The following BCR variants were observed in gnomAD, a reference collection of about 807,000 sequenced individuals.
BCR encodes the protein BCR activator of RhoGEF and GTPase.
A neutral mutation model predicts 138.6 loss-of-function variants in BCR; 58 were observed. That is an observed-to-expected ratio of 0.42 (90% CI 0.34 to 0.52). The LOEUF (loss-of-function observed/expected upper bound fraction) is 0.52, where lower values mean the gene tolerates loss of function less well. Ranked by LOEUF, BCR falls within the 20% of genes least tolerant of loss-of-function variation. BCR has a pLI of 0.06. For missense variants in BCR, 1,599 were observed against 1,727.2 expected, an observed-to-expected ratio of 0.93 and a Z score of 1.32; for synonymous variants, 786 against 730.1, an observed-to-expected ratio of 1.08 and a Z score of -1.23.
At chr22:23,192,235 G>A (rs557137922) in intron 1 of BCR, among the ~76,000 whole-genome samples, 2 of 151,696 alleles carry the variant, frequency 1.3e-5, no homozygotes, top group Admixed American at 1.3e-4. Flanking sequence ...GTCTGAGGGG[G>A]TATGAGACAC....
chr22:23,223,702 A>T (rs1056021104), intron 1 of BCR, among the ~76,000 whole-genome samples: 2 of 152,142 alleles, frequency 1.3e-5, no homozygotes, highest in Non-Finnish European at 2.9e-5. Flanking sequence ...GCAAGGGTCC[A>T]GGTGAGTCTC....
At chr22:23,214,498 CTG>C (rs2072726271) in intron 1 of BCR, among the ~76,000 whole-genome samples, 1 of 152,252 alleles carries the variant, frequency 6.6e-6, no homozygotes, top group Non-Finnish European at 1.5e-5. Context: ...CCTTCCACCT[CTG>C]TGGCCTGTGC....
chr22:23,188,794 T>A (rs2072379401), intron 1 of BCR, among the ~76,000 whole-genome samples: 1 of 152,174 alleles, frequency 6.6e-6, no homozygotes, highest in African/African-American at 2.4e-5. Context: ...AAAAGTGTAG[T>A]TATTTTAATT....
chr22:23,299,575 G>A (rs1405047655), intron 16 of BCR, among the ~76,000 whole-genome samples: 3 of 152,074 alleles, frequency 2.0e-5, no homozygotes, highest in East Asian at 1.9e-4. Flanking sequence ...GAAAGTAAAC[G>A]TGGAGGACAG....
At chr22:23,244,935 A>G (rs1254128303) in intron 1 of BCR, among the ~76,000 whole-genome samples, 1 of 152,170 alleles carries the variant, frequency 6.6e-6, no homozygotes, top group East Asian at 1.9e-4. Flanking sequence ...AGCCTTAGGC[A>G]CAGGTGGGTC....
chr22:23,303,051 C>T (rs1321876108), intron 16 of BCR, among the ~76,000 whole-genome samples: 3 of 150,988 alleles, frequency 2.0e-5, no homozygotes, highest in Admixed American at 2.0e-4. Context: ...ATTTAATTCA[C>T]CTGTGAGAGG....
At chr22:23,264,325 A>T in intron 4 of BCR, 2 of 988,610 alleles carry the variant, frequency 2.0e-6, no homozygotes, top group East Asian at 4.8e-5. Context: ...GCGCTGTCTT[A>T]CAACCTCCAC....
intron 8 of BCR, among the ~76,000 whole-genome samples, chr22:23,281,200 G>A (rs1276896294): frequency 2.6e-5 from 4 of 152,254 alleles, no homozygotes; most frequent in African/African-American, 9.6e-5. Flanking sequence ...GAGCCAAAGT[G>A]TGGTACCGTC....
rs1009312614 is a variant in BCR at position 23,180,791 on chromosome 22, C to A, written c.-170C>A. On this transcript the variant is annotated 5_prime_UTR_variant, in exon 1 of 23. Transcript: ENST00000305877. Reference sequence around the variant, plus strand: ...GCCCCGCCCCGCGCGCCGAGCGCCCCGCTCCGCCTCACCTGCCACCAGGGA... The same window carrying A: ...GCCCCGCCCCGCGCGCCGAGCGCCCAGCTCCGCCTCACCTGCCACCAGGGA... 4.6e-6 allele frequency: 1 copy of A among 218,790 alleles called. No homozygotes were observed. Among genetic ancestry groups the A allele is most frequent in the Admixed American group, 6.8e-5 (1 of 14,672 alleles). 13.6% of individuals were successfully genotyped at this position (218,790 alleles called of 1,614,324 possible).
chr22:23,273,481 T>C (rs2073533178), intron 7 of BCR, among the ~76,000 whole-genome samples, 153 bp from the exon 8 acceptor site: 1 of 152,160 alleles, frequency 6.6e-6, no homozygotes, highest in East Asian at 1.9e-4. Context: ...ACAAGCTCTG[T>C]CCACAAAGCT....
In BCR at chr22:23,268,639, T is replaced by C. The variant is rs2073473616; in HGVS notation, c.1860+124T>C. The C allele has an allele frequency of 8.9e-6, 8 of 895,890 alleles. No individual in the cohort carries two copies. In the South Asian group the frequency reaches 1.0e-4, roughly 11 times the overall value. The allele number at this position is 895,890 out of a possible 1,614,324, so 55.5% of individuals were successfully genotyped here. A position where few individuals can be genotyped will look rare whatever the true frequency, so the allele number is the denominator to read the frequency against. On this transcript the variant is annotated intron_variant, in intron 5 of 22. Coordinates refer to ENST00000305877, the MANE Select transcript of BCR (RefSeq NM_004327.4). ...GTGAACCCCAGCTGTTTCCAGATTC[T>C]GTTGGGTTCGTTGCGTCAGCCCTGT...
At chr22:23,279,226 C>CT (rs2073613858) in intron 8 of BCR, among the ~76,000 whole-genome samples, 1 of 152,250 alleles carries the variant, frequency 6.6e-6, no homozygotes, top group Non-Finnish European at 1.5e-5. Context: ...TACCCTCCTC[C>CT]TGGCATAGTG....
chr22:23,310,295 G>A (rs770238638), intron 17 of BCR, 29 bp from the exon 18 acceptor site: 7 of 1,131,278 alleles, frequency 6.2e-6, no homozygotes, highest in Admixed American at 3.8e-5. Flanking sequence ...AGAAGGATTA[G>A]AGGACTGTGC....
intron 1 of BCR, among the ~76,000 whole-genome samples, chr22:23,219,795 T>G (rs2072801705): frequency 1.3e-5 from 2 of 152,198 alleles, no homozygotes; most frequent in African/African-American, 4.8e-5. Flanking sequence ...TTGAGGCTAC[T>G]TTCTGCAGTC....
chr22:23,264,161 C>T, intron 4 of BCR: 1 of 1,473,168 alleles, frequency 6.8e-7, no homozygotes. Context: ...AGACAGATGG[C>T]AACCACTTGC....
intron 8 of BCR, among the ~76,000 whole-genome samples, chr22:23,278,905 C>T (rs1043062480): frequency 6.6e-6 from 1 of 152,180 alleles, no homozygotes; most frequent in African/African-American, 2.4e-5. Flanking sequence ...GTGCCCATGT[C>T]GAGGGCTGGG....
intron 15 of BCR, among the ~76,000 whole-genome samples, chr22:23,292,923 C>T (rs555342646): frequency 9.9e-5 from 15 of 152,172 alleles, no homozygotes; most frequent in Non-Finnish European, 1.5e-4. Context: ...CCTTTGTTAG[C>T]GCTTATGTTT....
chr22:23,286,391 C>T (rs2073713578), intron 10 of BCR, among the ~76,000 whole-genome samples: 1 of 152,198 alleles, frequency 6.6e-6, no homozygotes, highest in Non-Finnish European at 1.5e-5. Context: ...TGCCCAGCTG[C>T]CCAGCCTGCT....
chr22:23,186,771 A>C (rs1465397078), intron 1 of BCR, among the ~76,000 whole-genome samples: 1 of 152,036 alleles, frequency 6.6e-6, no homozygotes, highest in Non-Finnish European at 1.5e-5. Flanking sequence ...CAGTGGCGTG[A>C]TCTCTGCTTA....
Sources: gnomAD v4.1 joint callset for allele counts (sites outside exome capture counted in the v4.1 genomes callset) on GRCh38, gnomAD v4.1.1 for gene constraint, MANE v1.5 for transcripts, NCBI Gene and HGNC (gene_info 2026-07-23, HGNC 2026-07-21) for gene names.